The following GRIN2B variants were observed in gnomAD, a reference collection of about 807,000 sequenced individuals.
The protein encoded by GRIN2B is glutamate ionotropic receptor NMDA type subunit 2B.
In GRIN2B, 5 loss-of-function variants were observed where a neutral mutation model predicts 114.5. The observed-to-expected ratio is 0.04, with a 90% CI of 0.02 to 0.09. GRIN2B has a LOEUF of 0.09. GRIN2B is among the 10% of genes least tolerant of loss of function. The pLI is 1.00. For missense variants in GRIN2B, 1,108 were observed against 1,943.5 expected, an observed-to-expected ratio of 0.57 and a Z score of 8.08; for synonymous variants, 787 against 745.1, an observed-to-expected ratio of 1.06 and a Z score of -0.92.
At chr12:13,685,498 GGGA>G (rs1476035859) in intron 4 of GRIN2B, among the ~76,000 whole-genome samples, 3 of 152,186 alleles carry the variant, frequency 2.0e-5, no homozygotes, top group African/African-American at 7.2e-5. Flanking sequence ...ATGTTGAATT[GGGA>G]GGAGGAGAGG....
At chr12:13,795,268 C>T (rs1864397897) in intron 3 of GRIN2B, among the ~76,000 whole-genome samples, 1 of 151,650 alleles carries the variant, frequency 6.6e-6, no homozygotes, top group Non-Finnish European at 1.5e-5. Flanking sequence ...AAAAAGTTAA[C>T]ACATCAGGGT....
intron 5 of GRIN2B, among the ~76,000 whole-genome samples, chr12:13,637,844 T>C (rs961757328): frequency 2.0e-5 from 3 of 152,156 alleles, no homozygotes; most frequent in African/African-American, 7.2e-5. Flanking sequence ...TTGTGTACCA[T>C]ATAAATAAGG....
chr12:13,698,230 C>A (rs1261863982), intron 4 of GRIN2B, among the ~76,000 whole-genome samples: 1 of 152,188 alleles, frequency 6.6e-6, no homozygotes, highest in Non-Finnish European at 1.5e-5. Context: ...GGGCGCGGGG[C>A]GCGGGGAGCG....
rs758773489 is a variant in GRIN2B, at chr12:13,655,113, T to G, written c.1125+20632A>C. ...ACACTTTTGAGAAACCCAGAGAAGTTAAGACTTAGTAGGGTGGTAGTTGCA... is the reference window on the plus strand; with the variant it reads ...ACACTTTTGAGAAACCCAGAGAAGTGAAGACTTAGTAGGGTGGTAGTTGCA... On this transcript the variant is annotated intron_variant, in intron 5 of 13. Coordinates refer to ENST00000609686, the MANE Select transcript of GRIN2B (RefSeq NM_000834.5). 1.6e-4 allele frequency among the ~76,000 whole-genome samples: 25 copies of G among 152,122 alleles called. 1 individual carries two copies. Among genetic ancestry groups the G allele is most frequent in the Non-Finnish European group, 1.0e-4 (7 of 68,024 alleles).
intron 5 of GRIN2B, among the ~76,000 whole-genome samples, chr12:13,631,789 G>T (rs980400498): frequency 2.0e-5 from 3 of 152,178 alleles, no homozygotes; most frequent in Admixed American, 6.6e-5. Flanking sequence ...AGAATTATTG[G>T]CCAGGTAGTC....
intron 3 of GRIN2B, among the ~76,000 whole-genome samples, chr12:13,779,932 G>A (rs376515923): frequency 2.6e-5 from 4 of 152,096 alleles, no homozygotes; most frequent in Non-Finnish European, 2.9e-5. Context: ...AGAATAAAAC[G>A]TCAATAAATG....
At chr12:13,571,596 A>G (rs528852902) in intron 11 of GRIN2B, among the ~76,000 whole-genome samples, 1 of 152,370 alleles carries the variant, frequency 6.6e-6, no homozygotes, top group East Asian at 1.9e-4. Flanking sequence ...TTGTAAAAAA[A>G]ATACATAGAA....
chr12:13,551,251 C>T lies in GRIN2B; in HGVS notation c.*11532G>A, dbSNP rs1308580446. 2.6e-5 allele frequency: 4 copies of T among 152,090 alleles called. No homozygotes were observed. Among genetic ancestry groups the T allele is most frequent in the African/African-American group, 9.7e-5 (4 of 41,408 alleles). 9.4% of individuals were successfully genotyped at this position (152,090 alleles called of 1,614,324 possible). On this transcript the variant is annotated 3_prime_UTR_variant, in exon 14 of 14. Coordinates refer to ENST00000609686, the MANE Select transcript of GRIN2B (RefSeq NM_000834.5). ...TCCCATTGAGAACAGACCTCTCCAC[C>T]TCTGCTCATGATGTTTCCAAGAAGA...
intron 2 of GRIN2B, among the ~76,000 whole-genome samples, chr12:13,950,752 A>G (rs1457883603): frequency 6.6e-6 from 1 of 152,162 alleles, no homozygotes; most frequent in Non-Finnish European, 1.5e-5. Context: ...TTTGGGCACA[A>G]TTCCTTAAAA....
intron 4 of GRIN2B, among the ~76,000 whole-genome samples, chr12:13,743,739 A>G (rs528044510): frequency 3.3e-5 from 5 of 152,296 alleles, no homozygotes; most frequent in African/African-American, 9.6e-5. Context: ...CATGTTTGTT[A>G]TAATGATTTA....
chr12:13,819,890 A>G (rs1864900378), intron 3 of GRIN2B, among the ~76,000 whole-genome samples: 1 of 152,162 alleles, frequency 6.6e-6, no homozygotes, highest in Non-Finnish European at 1.5e-5. Flanking sequence ...CCATACATAA[A>G]TGGAGACTTC....
chr12:13,568,143 T>C (rs1452432270), intron 12 of GRIN2B, among the ~76,000 whole-genome samples: 7 of 152,148 alleles, frequency 4.6e-5, no homozygotes. Flanking sequence ...TGTTTAACGG[T>C]GCTTTGATCA....
chr12:13,762,820 G>T lies in GRIN2B; in HGVS notation c.412-8905C>A, dbSNP rs558029003. On this transcript the variant is annotated intron_variant, in intron 3 of 13. Transcript: ENST00000609686. Reference sequence around the variant, plus strand: ...GATCAGTCATGCTTGTTTGGCCACAGATTAACAAGCCATTGTCTCCAAAGG... The same window carrying T: ...GATCAGTCATGCTTGTTTGGCCACATATTAACAAGCCATTGTCTCCAAAGG... Among the ~76,000 whole-genome samples the T allele has an allele frequency of 3.3e-5, 5 of 152,292 alleles. No homozygotes were observed. In the East Asian group the frequency reaches 9.7e-4, roughly 29 times the overall value.
chr12:13,918,340 G>A (rs1415539547), intron 2 of GRIN2B, among the ~76,000 whole-genome samples: 1 of 152,184 alleles, frequency 6.6e-6, no homozygotes, highest in African/African-American at 2.4e-5. Context: ...AGGAATTTGA[G>A]GCTGTAGCAA....
chr12:13,867,998 G>A (rs1392666479), intron 2 of GRIN2B, among the ~76,000 whole-genome samples: 1 of 152,100 alleles, frequency 6.6e-6, no homozygotes, highest in African/African-American at 2.4e-5. Context: ...TTCGAGTTGA[G>A]CAGTCAGTCT....
Position 13,540,264 on chromosome 12 carries a change from T to C in GRIN2B, c.*22519A>G, listed in dbSNP as rs560985030. ...TTTAACCCTGATAATTTGTGGTAGG[T>C]TTCTTTATTTTTTGAATATAAAGTG... On this transcript the variant is annotated 3_prime_UTR_variant, in exon 14 of 14. Transcript: ENST00000609686. The C allele has an allele frequency of 1.9e-4, 29 of 152,314 alleles. No homozygotes were observed. The highest frequency in any genetic ancestry group is 7.0e-4 in the African/African-American group (29 of 41,566). 9.4% of individuals were successfully genotyped at this position (152,314 alleles called of 1,614,324 possible). A position where few individuals can be genotyped will look rare whatever the true frequency, so the allele number is the denominator to read the frequency against.
At chr12:13,826,162 A>T (rs1334828735) in intron 3 of GRIN2B, among the ~76,000 whole-genome samples, 1 of 150,948 alleles carries the variant, frequency 6.6e-6, no homozygotes, top group African/African-American at 2.4e-5. Flanking sequence ...AAACTGCTAC[A>T]CTCCTTCTTC....
intron 3 of GRIN2B, among the ~76,000 whole-genome samples, chr12:13,824,855 C>T (rs1311090545): frequency 1.5e-4 from 14 of 95,094 alleles, no homozygotes; most frequent in Non-Finnish European, 1.9e-4. Context: ...GACTCCATTT[C>T]AAAAAAAAAA....
chr12:13,794,508 C>A (rs1363270674), intron 3 of GRIN2B, among the ~76,000 whole-genome samples: 1 of 152,092 alleles, frequency 6.6e-6, no homozygotes, highest in Non-Finnish European at 1.5e-5. Flanking sequence ...CCACTAACCT[C>A]CCCCCCGGAC....
Sources: allele counts gnomAD v4.1 joint callset (sites outside exome capture counted in the v4.1 genomes callset), GRCh38; gene constraint gnomAD v4.1.1; transcripts MANE v1.5; gene names NCBI Gene and HGNC (gene_info 2026-07-23, HGNC 2026-07-21).